DENND1A: variants seen among roughly 807,000 people sequenced by gnomAD.
DENND1A encodes the protein DENN domain-containing protein 1A.
In DENND1A, 51 loss-of-function variants were observed where a neutral mutation model predicts 113.7. The observed-to-expected ratio is 0.45, with a 90% CI of 0.36 to 0.57. DENND1A has a LOEUF of 0.57. Ranked by LOEUF, DENND1A falls within the 20% of genes least tolerant of loss-of-function variation. The pLI is 0.00. For missense variants in DENND1A, 1,258 were observed against 1,395.9 expected (o/e 0.90, Z 1.57); for synonymous variants, 565 against 570.8 (o/e 0.99, Z 0.14).
chr9:123,523,563 A>G (rs533855545), intron 13 of DENND1A, among the ~76,000 whole-genome samples: 14 of 152,338 alleles, frequency 9.2e-5, no homozygotes, highest in African/African-American at 2.6e-4. Flanking sequence ...TTCTTGGAAT[A>G]TTAGAGTTGA....
At chr9:123,691,561 G>T (rs2065192990) in intron 5 of DENND1A, among the ~76,000 whole-genome samples, 1 of 151,090 alleles carries the variant, frequency 6.6e-6, no homozygotes, top group African/African-American at 2.4e-5. Flanking sequence ...TTTTTGGAGG[G>T]TGGGGATGGG....
chr9:123,443,976 G>A (rs1326586481), intron 18 of DENND1A, among the ~76,000 whole-genome samples: 2 of 151,836 alleles, frequency 1.3e-5, no homozygotes, highest in East Asian at 3.9e-4. Flanking sequence ...ATAAGGTGGG[G>A]GGCATTCAAA....
At chr9:123,922,177 ACCCT>A (rs1856386815) in intron 1 of DENND1A, among the ~76,000 whole-genome samples, 1 of 151,448 alleles carries the variant, frequency 6.6e-6, no homozygotes, top group Non-Finnish European at 1.5e-5. Flanking sequence ...CAAGCCATCC[ACCCT>A]CCTTGGCCTC....
In DENND1A at chr9:123,717,635, C is replaced by G. The variant is rs188517266; in HGVS notation, c.302+40068G>C. ...AGCTCATTATAGAAAAGAGGATATA[C>G]CTCCAGTTTAAATTCCTAAGCCCTA... On this transcript the variant is annotated intron_variant, in intron 5 of 23. Coordinates refer to ENST00000394215, the MANE Select transcript of DENND1A (RefSeq NM_001352964.2). Among the ~76,000 whole-genome samples, 479 of 152,284 alleles carry G rather than the reference C, an allele frequency of 3.1e-3. 2 individuals are homozygous for G. Among genetic ancestry groups the G allele is most frequent in the African/African-American group, 0.011 (459 of 41,554 alleles).
chr9:123,766,014 A>G (rs1170630568), intron 4 of DENND1A, among the ~76,000 whole-genome samples: 2 of 152,162 alleles, frequency 1.3e-5, no homozygotes, highest in African/African-American at 2.4e-5. Flanking sequence ...CAGTTTTAAA[A>G]TCCTGTGGTC....
chr9:123,861,231 T>G (rs1330774058), intron 2 of DENND1A, among the ~76,000 whole-genome samples: 2 of 152,194 alleles, frequency 1.3e-5, no homozygotes, highest in African/African-American at 2.4e-5. Context: ...AGAAAAATTC[T>G]CCTTCAAATA....
intron 2 of DENND1A, among the ~76,000 whole-genome samples, chr9:123,858,292 G>A (rs188713067): frequency 6.6e-5 from 10 of 152,318 alleles, no homozygotes; most frequent in Admixed American, 2.6e-4. Context: ...TGACGTAGTC[G>A]AGGTTGAGAT....
At chr9:123,678,953 T>A (rs529895603) in intron 5 of DENND1A, among the ~76,000 whole-genome samples, 1 of 152,276 alleles carries the variant, frequency 6.6e-6, no homozygotes, top group African/African-American at 2.4e-5. Context: ...CATTATAGTA[T>A]GAACGAGAAA....
At chr9:123,583,745 G>A (rs2059032716) in intron 11 of DENND1A, among the ~76,000 whole-genome samples, 1 of 152,122 alleles carries the variant, frequency 6.6e-6, no homozygotes, top group Non-Finnish European at 1.5e-5. Context: ...TATTGTGTGT[G>A]GCCTACTGTT....
chr9:123,486,003 C>T (rs1263930529), intron 13 of DENND1A, among the ~76,000 whole-genome samples: 1 of 152,180 alleles, frequency 6.6e-6, no homozygotes, highest in African/African-American at 2.4e-5. Context: ...TCTTCAGTGG[C>T]TGGCATACCC....
intron 13 of DENND1A, among the ~76,000 whole-genome samples, chr9:123,515,510 T>C (rs973687665): frequency 6.6e-6 from 1 of 152,146 alleles, no homozygotes; most frequent in Non-Finnish European, 1.5e-5. Context: ...GTGCATATAT[T>C]TAGAAATACA....
At chr9:123,401,575 AC>A (rs2043466447) in intron 21 of DENND1A, 55 of 1,392,650 alleles carry the variant, frequency 3.9e-5, no homozygotes, top group Non-Finnish European at 5.1e-5. Flanking sequence ...TAGTTTGCCA[AC>A]CACCAAACTG....
intron 13 of DENND1A, chr9:123,492,200 G>A (rs1452081139): frequency 6.6e-6 from 1 of 152,464 alleles, no homozygotes; most frequent in South Asian, 2.1e-4. Context: ...TCATGGGAGA[G>A]ACAGACAGGC....
chr9:123,912,094 A>T (rs1854100128), intron 1 of DENND1A, among the ~76,000 whole-genome samples: 1 of 152,224 alleles, frequency 6.6e-6, no homozygotes, highest in Admixed American at 6.5e-5. Context: ...TTACACGAGT[A>T]TATAACCATT....
At chr9:123,623,237 A>G (rs2061040346) in intron 10 of DENND1A, among the ~76,000 whole-genome samples, 1 of 152,238 alleles carries the variant, frequency 6.6e-6, no homozygotes, top group South Asian at 2.1e-4. Flanking sequence ...AAGTAAGAAT[A>G]ATGCTTAATG....
intron 3 of DENND1A, among the ~76,000 whole-genome samples, chr9:123,790,379 T>A (rs1048631089): frequency 1.3e-5 from 2 of 149,846 alleles, no homozygotes; most frequent in African/African-American, 4.9e-5. Flanking sequence ...TCTTGGGTTA[T>A]AGGAGGCGAA....
chr9:123,915,232 C>G (rs527361891), intron 1 of DENND1A, among the ~76,000 whole-genome samples: 84 of 152,222 alleles, frequency 5.5e-4, no homozygotes, highest in Non-Finnish European at 8.5e-4. Flanking sequence ...AAAAAAATTA[C>G]TGTGACCCTG....
chr9:123,554,818 T>C (rs2057329978), intron 13 of DENND1A, among the ~76,000 whole-genome samples: 1 of 152,240 alleles, frequency 6.6e-6, no homozygotes, highest in African/African-American at 2.4e-5. Context: ...CATAAACTAA[T>C]AGTACATCTT....
chr9:123,440,625 G>A (rs2132355603), intron 18 of DENND1A, 134 bp from the exon 19 acceptor site: 1 of 1,197,980 alleles, frequency 8.3e-7, no homozygotes, highest in Non-Finnish European at 1.1e-6. Flanking sequence ...TGAAGATGGA[G>A]GGAATGGAGG....
Sources: allele counts gnomAD v4.1 joint callset (sites outside exome capture counted in the v4.1 genomes callset), GRCh38; gene constraint gnomAD v4.1.1; transcripts MANE v1.5; gene names NCBI Gene and HGNC (gene_info 2026-07-23, HGNC 2026-07-21).